SASH1: variants seen among roughly 807,000 people sequenced by gnomAD.
SASH1 encodes the protein SAM and SH3 domain-containing protein 1.
SASH1 carries 44 observed loss-of-function variants against 125.2 expected under a neutral mutation model. That is an observed-to-expected ratio of 0.35 (90% CI 0.28 to 0.45). SASH1 has a LOEUF of 0.45. Among genes scored for constraint, SASH1 ranks in the 20% least tolerant of loss-of-function variants. The pLI, the probability that SASH1 is intolerant of heterozygous loss-of-function variation, is 1.00. For synonymous variants in SASH1, 639 were observed against 649.1 expected (o/e 0.98, Z 0.24); for missense variants, 1,426 against 1,614.5 (o/e 0.88, Z 2.00).
At chr6:148,388,638 G>C (rs1783577309) in intron 1 of SASH1, among the ~76,000 whole-genome samples, 1 of 152,230 alleles carries the variant, frequency 6.6e-6, no homozygotes, top group Non-Finnish European at 1.5e-5. Flanking sequence ...CCTTGGTTCT[G>C]TAAAATCAGT....
intron 16 of SASH1, among the ~76,000 whole-genome samples, chr6:148,539,184 CT>C (rs1010791553): frequency 4.0e-5 from 6 of 150,792 alleles, no homozygotes; most frequent in East Asian, 3.9e-4. Context: ...TGAGGTCTTC[CT>C]TTTTTTTTCT....
intron 2 of SASH1, among the ~76,000 whole-genome samples, chr6:148,402,784 A>G (rs1185986359): frequency 3.4e-5 from 5 of 148,090 alleles, no homozygotes; most frequent in African/African-American, 1.0e-4. Flanking sequence ...AATTTTTTCT[A>G]TTTTTTAGTA....
At chr6:148,246,106 T>C in the SASH1 span, among the ~76,000 whole-genome samples, 1 of 152,328 alleles carries the variant, frequency 6.6e-6, no homozygotes, top group Non-Finnish European at 1.5e-5. Context: ...CATATTTTTC[T>C]CTTCTCTTCT....
At chr6:148,542,562 A>G (rs1349408615) in intron 17 of SASH1, among the ~76,000 whole-genome samples, 1 of 151,886 alleles carries the variant, frequency 6.6e-6, no homozygotes, top group Non-Finnish European at 1.5e-5. Flanking sequence ...AATTTTTTAT[A>G]TTTTTTATGA....
intron 1 of SASH1, chr6:148,379,949 C>T (rs555589492): frequency 5.0e-5 from 23 of 456,520 alleles, no homozygotes; most frequent in African/African-American, 3.6e-4. Flanking sequence ...TCCTGGATAT[C>T]GTGTGCAGCC....
At chr6:148,309,085 A>AAAAAG (rs1562317772) in intron 1 of SASH1, among the ~76,000 whole-genome samples, 3 of 18,938 alleles carry the variant, frequency 1.6e-4, no homozygotes, top group Non-Finnish European at 3.1e-4. Context: ...CTCTGTCTCC[A>AAAAAG]AAAAAAAAAA....
chr6:148,303,930 G>A (rs1304200224), intron 1 of SASH1, among the ~76,000 whole-genome samples: 1 of 152,118 alleles, frequency 6.6e-6, no homozygotes, highest in African/African-American at 2.4e-5. Context: ...AAACTTATAA[G>A]ATGCAGCTAA....
At position 148,534,826 on chromosome 6, in the gene SASH1, G is replaced by T. The variant is rs745511978; in HGVS notation, c.2020G>T (p.Asp674Tyr). 1.4e-5 allele frequency: 22 copies of T among 1,614,192 alleles called. No individual in the cohort carries two copies. In the East Asian group the frequency reaches 4.9e-4, roughly 36 times the overall value. ...TAAGCTGCTGGAGGAGGAAGACTTG[G>T]ATGAGTTAAATATCAGGGACCCGGA... ...TFKLLEEEDL[D>Y]ELNIRDPEHR... The change falls in exon 16 of 20, where the codon GAT becomes TAT. Residue 674 changes from aspartate (D) to tyrosine (Y), a missense_variant. Physicochemically the swap from Asp to Tyr is radical, Grantham distance 160. This residue lies in a region of SASH1 where 225 missense variants were observed against 344.5 expected (regional missense o/e 0.65). Transcript: ENST00000367467.
At chr6:148,327,941 A>C (rs796072652) in intron 1 of SASH1, among the ~76,000 whole-genome samples, 34,631 of 122,894 alleles carry the variant, frequency 0.28, 3,285 homozygotes, top group African/African-American at 0.38. Flanking sequence ...ACTCTGTCTA[A>C]AAAAAAAAAA....
At chr6:148,487,511 GA>G in intron 7 of SASH1, 102 bp from the exon 8 acceptor site, 1 of 807,454 alleles carries the variant, frequency 1.2e-6, no homozygotes, top group Non-Finnish European at 2.0e-6. Context: ...ACAAGATTAT[GA>G]ACCAGGAACC....
chr6:148,474,260 T>C (rs1196153839), intron 7 of SASH1, 38 bp downstream of exon 7: 1 of 1,326,814 alleles, frequency 7.5e-7, no homozygotes, highest in Non-Finnish European at 1.1e-6. Context: ...TTGTGAGGAC[T>C]TGACTTTCTG....
chr6:148,503,658 TTTCTAC>T (rs1779651041), intron 8 of SASH1, among the ~76,000 whole-genome samples: 1 of 152,100 alleles, frequency 6.6e-6, no homozygotes, highest in South Asian at 2.1e-4. Context: ...AAATGTGTTA[TTTCTAC>T]TTAGACTGTG....
chr6:148,207,550 G>A, the SASH1 span, among the ~76,000 whole-genome samples: 1 of 152,150 alleles, frequency 6.6e-6, no homozygotes, highest in African/African-American at 2.4e-5. Flanking sequence ...TTACACTTTA[G>A]TGTGAAAGAA....
chr6:148,229,133 CA>C, the SASH1 span, among the ~76,000 whole-genome samples: 35 of 60,968 alleles, frequency 5.7e-4, no homozygotes, highest in Middle Eastern at 7.7e-3. Flanking sequence ...GACTCCATCT[CA>C]AAAAAAAAAA....
intron 9 of SASH1, among the ~76,000 whole-genome samples, chr6:148,518,394 GT>G (rs1341204902): frequency 6.6e-6 from 1 of 152,058 alleles, no homozygotes; most frequent in African/African-American, 2.4e-5. Context: ...TGTTGTTGTT[GT>G]TAGATTTGTA....
At position 148,353,235 on chromosome 6, in the gene SASH1, T is replaced by C. The variant is rs76825281; in HGVS notation, c.156+10012T>C. On this transcript the variant is annotated intron_variant, in intron 1 of 19. Transcript: ENST00000367467. ...GGCGTGCATTACCACGCTCAGCTTA[T>C]TATATTTTTCTTATTTTTTCTAGCA... 7.3e-3 allele frequency among the ~76,000 whole-genome samples: 1,099 copies of C among 151,358 alleles called. 11 individuals carry two copies. Among genetic ancestry groups the C allele is most frequent in the African/African-American group, 0.025 (1,013 of 41,332 alleles).
intron 1 of SASH1, among the ~76,000 whole-genome samples, chr6:148,360,639 C>CCCCA (rs1554242931): frequency 1.6e-5 from 2 of 126,288 alleles, no homozygotes; most frequent in East Asian, 4.5e-4. Context: ...GTGAGCCACC[C>CCCCA]CCCCGCCAGG....
At chr6:148,263,574 A>G in the SASH1 span, among the ~76,000 whole-genome samples, 1 of 152,244 alleles carries the variant, frequency 6.6e-6, no homozygotes, top group Non-Finnish European at 1.5e-5. Flanking sequence ...AACAGCTCTC[A>G]TTAAAACTGA....
In SASH1 at chr6:148,529,054, G is replaced by A. The variant is rs992494016; in HGVS notation, c.1428+1458G>A. Among the ~76,000 whole-genome samples the A allele has an allele frequency of 4.6e-5, 7 of 152,066 alleles. No individual in the cohort carries two copies. Among genetic ancestry groups the A allele is most frequent in the African/African-American group, 1.2e-4 (5 of 41,394 alleles). On this transcript the variant is annotated intron_variant, in intron 12 of 19. Coordinates refer to ENST00000367467, the MANE Select transcript of SASH1 (RefSeq NM_015278.5). This position sits in a 1 kb window ranked among gnomAD's most constrained non-coding sequence, Gnocchi z 4.2. Reference sequence around the variant, plus strand: ...CGTGCTCCTACGAGAATCTAATACCGCCGCTGATCTGACAGGAGGTGGAGC... The same window carrying A: ...CGTGCTCCTACGAGAATCTAATACCACCGCTGATCTGACAGGAGGTGGAGC...
Sources: allele counts gnomAD v4.1 joint callset (sites outside exome capture counted in the v4.1 genomes callset), GRCh38; gene constraint gnomAD v4.1.1; regional missense constraint gnomAD v4.1.1; non-coding constraint Gnocchi (gnomAD v3.1); transcripts MANE v1.5; gene names NCBI Gene and HGNC (gene_info 2026-07-23, HGNC 2026-07-21).